Variants in CAPN12 observed in about 807,000 individuals in gnomAD.
CAPN12 encodes the protein calpain-12.
In CAPN12, 107 loss-of-function variants were observed where a neutral mutation model predicts 95.0. That is an observed-to-expected ratio of 1.13 (90% CI 0.96 to 1.32). The LOEUF (loss-of-function observed/expected upper bound fraction) is 1.32, where lower values mean the gene tolerates loss of function less well. Among genes scored for constraint, CAPN12 ranks in the 40% most tolerant of loss-of-function variants. The probability of loss-of-function intolerance (pLI) is 0.00; values close to 1 mark genes in which losing one functional copy is unlikely to be tolerated. For synonymous variants in CAPN12, 505 were observed against 415.5 expected, an observed-to-expected ratio of 1.22 and a Z score of -2.62; for missense variants, 1,136 against 997.8, an observed-to-expected ratio of 1.14 and a Z score of -1.87.
intron 18 of CAPN12, among the ~76,000 whole-genome samples, chr19:38,732,465 G>A (rs1311535966): frequency 1.3e-5 from 2 of 152,176 alleles, no homozygotes; most frequent in Non-Finnish European, 2.9e-5. Context: ...CCAAGTAGCT[G>A]GGATTACAGG....
intron 17 of CAPN12, 47 bp from the exon 18 acceptor site, chr19:38,733,828 G>A (rs1281309337): frequency 1.3e-6 from 2 of 1,503,928 alleles, no homozygotes; most frequent in African/African-American, 1.4e-5. Context: ...CCCTGAAGAG[G>A]GCTGCCAATG....
chr19:38,734,976 G>A, intron 14 of CAPN12, 106 bp from the exon 15 acceptor site: 2 of 1,056,366 alleles, frequency 1.9e-6, no homozygotes, highest in Non-Finnish European at 2.8e-6. Flanking sequence ...CAGAGCCCTA[G>A]CTCCAGGAGT....
chr19:38,738,949 T>A, intron 5 of CAPN12: 1 of 453,556 alleles, frequency 2.2e-6, no homozygotes, highest in Non-Finnish European at 4.0e-6. Flanking sequence ...CTGGGCAACA[T>A]AGCAAGACCC....
At chr19:38,734,273 C>T (rs757848270) in intron 16 of CAPN12, 46 bp downstream of exon 16, 1 of 1,603,856 alleles carries the variant, frequency 6.2e-7, no homozygotes, top group Non-Finnish European at 8.5e-7. Context: ...ACCCCAACGT[C>T]CCCTTCCCCA....
Position 38,737,180 on chromosome 19 carries a change from G to T in CAPN12, c.1338C>A (p.Leu446=). 6.5e-7 allele frequency: 1 copy of T among 1,548,008 alleles called. No individual in the cohort carries two copies. Among genetic ancestry groups the T allele is most frequent in the Non-Finnish European group, 8.7e-7 (1 of 1,146,984 alleles). The part of the protein sequence containing the change: ...RRLRAKGLTY[L]TVGFHVFQIP... ...CCTGGAACACGTGGAAGCCAACGGTGAGGTAAGTGAGGCCCTTGGCTCTCA... is the reference window on the plus strand; with the variant it reads ...CCTGGAACACGTGGAAGCCAACGGTTAGGTAAGTGAGGCCCTTGGCTCTCA... Residue 446 remains leucine, a synonymous_variant, in exon 10 of 21, where the codon CTC becomes CTA. Coordinates refer to ENST00000328867, the MANE Select transcript of CAPN12 (RefSeq NM_144691.4).
Position 38,744,261 on chromosome 19 carries a change from A to G in CAPN12, c.-96T>C. ...CCATTGGAGCCCCAGTGGGGTCTTT[A>G]GGCAATGAGGAGCCTTCCCTCGTTA... On this transcript the variant is annotated 5_prime_UTR_variant, in exon 1 of 21. Transcript: ENST00000328867. 2 of 1,139,218 alleles carry G rather than the reference A, an allele frequency of 1.8e-6. No individual in the cohort carries two copies. The highest frequency in any genetic ancestry group is 2.6e-6 in the Non-Finnish European group (2 of 766,962). 70.6% of individuals were successfully genotyped at this position (1,139,218 alleles called of 1,614,324 possible).
Position 38,738,313 on chromosome 19 carries a change from G to A in CAPN12, c.925C>T (p.Arg309Cys), listed in dbSNP as rs771333573. The A allele has an allele frequency of 3.8e-5, 61 of 1,611,980 alleles. No homozygotes were observed. Among genetic ancestry groups the A allele is most frequent in the Non-Finnish European group, 4.8e-5 (57 of 1,180,020 alleles). Residue 309 changes from arginine to cysteine, a missense_variant, in exon 8 of 21, where the codon CGC becomes TGC. Transcript: ENST00000328867. ...TCCTTTTTCACCAGCAGGGCATCGC[G>A]GCACTCGGTGGGGAGTGTGTCCCAG... Reference protein sequence around the residue: ...PRWDTLPTECRDALLVKKEDG... With the variant: ...PRWDTLPTECCDALLVKKEDG...
intron 18 of CAPN12, chr19:38,733,456 G>A (rs996435229): frequency 3.3e-5 from 16 of 490,464 alleles, no homozygotes; most frequent in Non-Finnish European, 5.4e-5. Flanking sequence ...CCCTGCCCCA[G>A]AACCCCTACC....
chr19:38,731,505 C>T, intron 18 of CAPN12: 1 of 493,476 alleles, frequency 2.0e-6, no homozygotes, highest in African/African-American at 1.9e-5. Flanking sequence ...ACTGTTACTC[C>T]TTAAATCCTG....
At chr19:38,739,884 C>G (rs1176370833) in intron 5 of CAPN12, 167 bp downstream of exon 5, 2 of 658,642 alleles carry the variant, frequency 3.0e-6, no homozygotes, top group African/African-American at 3.7e-5. Context: ...CCTGAAGCCC[C>G]TGATTCATGA....
Position 38,731,349 on chromosome 19 carries a change from C to T in CAPN12, c.1958-126G>A, listed in dbSNP as rs111915924. 4,332 of 720,306 alleles carry T rather than the reference C, an allele frequency of 6.0e-3. 93 individuals carry two copies. The highest frequency in any genetic ancestry group is 0.04 in the Admixed American group (2,009 of 49,802). The allele number at this position is 720,306 out of a possible 1,614,324, so 44.6% of individuals were successfully genotyped here. ...TGTCACACCCCAACTCTGCCCCATC[C>T]CGGCAGGGTGAGTACAGGCTGATCC... On this transcript the variant is annotated intron_variant, in intron 18 of 20. Transcript: ENST00000328867.
intron 5 of CAPN12, chr19:38,738,906 A>G: frequency 1.9e-6 from 1 of 531,686 alleles, no homozygotes; most frequent in South Asian, 2.1e-5. Flanking sequence ...TCGAGGTGGA[A>G]GGACTACTTG....
Position 38,738,452 on chromosome 19 carries a change from C to T in CAPN12, c.856G>A (p.Gly286Ser). 1 of 1,610,504 alleles carries T rather than the reference C, an allele frequency of 6.2e-7. No individual in the cohort carries two copies. Among genetic ancestry groups the T allele is most frequent in the Non-Finnish European group, 8.5e-7 (1 of 1,178,372 alleles). ...CAGGCCCCCGTCCACTCCACGCAGC[C>T]CCATGGGTTCCGCAGCCGCAGCAGC... Reference protein sequence around the residue: ...VRLLRLRNPWGCVEWTGAWSD... With the variant: ...VRLLRLRNPWSCVEWTGAWSD... Residue 286 changes from glycine to serine, a missense_variant, in exon 7 of 21, where the codon GGC (glycine) becomes AGC (serine). By Grantham distance (56) the Gly-to-Ser change is moderately conservative. Coordinates refer to ENST00000328867, the MANE Select transcript of CAPN12 (RefSeq NM_144691.4).
Position 38,730,786 on chromosome 19 carries a change from A to G in CAPN12, c.*66T>C, listed in dbSNP as rs1248034100. On this transcript the variant is annotated 3_prime_UTR_variant, in exon 21 of 21. Coordinates refer to ENST00000328867, the MANE Select transcript of CAPN12 (RefSeq NM_144691.4). ...GAGAGAGTGGCACCCATGCCAGGCA[A>G]GGCCTAGGGAGGTGGTCTTGCTCAG... The G allele has an allele frequency of 6.5e-7, 1 of 1,538,642 alleles. No individual in the cohort carries two copies. The highest frequency in any genetic ancestry group is 8.8e-7 in the Non-Finnish European group (1 of 1,137,560).
chr19:38,738,503 C>A lies in CAPN12; in HGVS notation c.805G>T (p.Val269Leu). The stretch of plus-strand genomic sequence containing the variant: ...CGCACCTTGGTGAAGCCCAGGAACA[C>A]CTGGGGCAGCATCGTCAGTGGGGGT... ...HAYSITGTHK[V>L]FLGFTKVRLL... The change falls in exon 7 of 21, where the codon GTG becomes TTG. Residue 269 changes from valine (V) to leucine (L), a missense_variant and splice_region_variant. Transcript: ENST00000328867. The A allele has an allele frequency of 6.2e-7, 1 of 1,612,970 alleles. No individual in the cohort carries two copies. The highest frequency in any genetic ancestry group is 8.5e-7 in the Non-Finnish European group (1 of 1,179,522).
chr19:38,744,639 G>T (rs1208886554), upstream of CAPN12, among the ~76,000 whole-genome samples: 1 of 152,092 alleles, frequency 6.6e-6, no homozygotes, highest in Non-Finnish European at 1.5e-5. Context: ...GCAGTGGCAC[G>T]ATCTCAGCTC....
intron 5 of CAPN12, 165 bp downstream of exon 5, chr19:38,739,886 G>A (rs1970446205): frequency 1.5e-6 from 1 of 667,474 alleles, no homozygotes; most frequent in Non-Finnish European, 2.3e-6. Flanking sequence ...TGAAGCCCCT[G>A]ATTCATGAGA....
At chr19:38,740,714 C>T (rs1050624048) in intron 4 of CAPN12, among the ~76,000 whole-genome samples, 2 of 151,900 alleles carry the variant, frequency 1.3e-5, no homozygotes, top group East Asian at 1.9e-4. Flanking sequence ...GCAGGAGAAT[C>T]GCTTGAACTC....
chr19:38,731,223 C>T lies in CAPN12; in HGVS notation c.1958G>A (p.Gly653Asp). Residue 653 changes from glycine (G) to aspartate (D), a missense_variant and splice_region_variant, in exon 19 of 21, where the codon GGC becomes GAC. By Grantham distance (94) the Gly-to-Asp change is moderately conservative. Transcript: ENST00000328867. ...GGTCAGCTGGTTGTTCAGGTGGAAG[C>T]CTAGGGGGAGGCTGCTTCTGAGCCC... Reference protein sequence around the residue: ...YELRLALNAAGFHLNNQLTQT... With the variant: ...YELRLALNAADFHLNNQLTQT... 1 of 1,612,152 alleles carries T rather than the reference C, an allele frequency of 6.2e-7. No homozygotes were observed. Among genetic ancestry groups the T allele is most frequent in the East Asian group, 2.2e-5 (1 of 44,882 alleles).
Sources: allele counts gnomAD v4.1 joint callset (sites outside exome capture counted in the v4.1 genomes callset), GRCh38; gene constraint gnomAD v4.1.1; transcripts MANE v1.5; gene names NCBI Gene and HGNC (gene_info 2026-07-23, HGNC 2026-07-21).